DHX36: variants seen among roughly 807,000 people sequenced by gnomAD.
The protein encoded by DHX36 is ATP-dependent DNA/RNA helicase DHX36.
A neutral mutation model predicts 139.0 loss-of-function variants in DHX36; 50 were observed. The observed-to-expected ratio is 0.36, with a 90% confidence interval of 0.29 to 0.46. The LOEUF is 0.46. Among genes scored for constraint, DHX36 ranks in the 20% least tolerant of loss-of-function variants. The pLI, the probability that DHX36 is intolerant of heterozygous loss-of-function variation, is 1.00. For synonymous variants in DHX36, 425 were observed against 401.9 expected, an observed-to-expected ratio of 1.06 and a Z score of -0.69; for missense variants, 1,024 against 1,211.3, an observed-to-expected ratio of 0.85 and a Z score of 2.29.
chr3:154,280,328 T>G, intron 22 of DHX36: 1 of 359,816 alleles, frequency 2.8e-6, no homozygotes, highest in Non-Finnish European at 4.9e-6. Context: ...TCTTCTAATA[T>G]TTACACTGGT....
intron 8 of DHX36, among the ~76,000 whole-genome samples, chr3:154,304,014 T>C (rs1712404891): frequency 6.6e-6 from 1 of 152,176 alleles, no homozygotes; most frequent in Non-Finnish European, 1.5e-5. Context: ...GCTCTACCCA[T>C]GATGTGCACA....
At position 154,273,602 on chromosome 3, in the gene DHX36, A is replaced by C. The variant is rs2108325697; in HGVS notation, c.*2569T>G. The stretch of plus-strand genomic sequence containing the variant: ...AGAGGCAAAACCAGTATGCTCTAAT[A>C]TTGTGACATGACTCTAATGCCAGCA... On this transcript the variant is annotated 3_prime_UTR_variant, in exon 25 of 25. Transcript: ENST00000496811. The C allele has an allele frequency of 6.6e-6, 1 of 152,348 alleles. No homozygotes were observed. Among genetic ancestry groups the C allele is most frequent in the East Asian group, 1.9e-4 (1 of 5,176 alleles). The allele number at this position is 152,348 out of a possible 1,614,324, so 9.4% of individuals were successfully genotyped here.
chr3:154,304,672 G>A, intron 8 of DHX36, 134 bp downstream of exon 8: 1 of 661,218 alleles, frequency 1.5e-6, no homozygotes, highest in Non-Finnish European at 2.3e-6. Flanking sequence ...CATGAAACTG[G>A]AGGGTAGAAT....
In DHX36 at chr3:154,289,648, C is replaced by A. The variant is rs72996635; in HGVS notation, c.1932+61G>T. On this transcript the variant is annotated intron_variant, in intron 16 of 24. Coordinates refer to ENST00000496811, the MANE Select transcript of DHX36 (RefSeq NM_020865.3). ...GAGATTAATACAGTACTTTGTTCTA[C>A]AAAAGATGTTGAAAATGAGATCACT... The A allele has an allele frequency of 1.4e-3, 1,392 of 993,728 alleles. 12 individuals are homozygous for A. The African/African-American group carries it at 0.02, about 14-fold the overall frequency. 61.6% of individuals were successfully genotyped at this position (993,728 alleles called of 1,614,324 possible).
chr3:154,307,564 G>C lies in DHX36; in HGVS notation c.814-1269C>G, dbSNP rs372494810. Reference sequence around the variant, plus strand: ...GAAATGCAAATTAAAACCACAATGAGATATCATCTTACCCCAGTCAAAATG... The same window carrying C: ...GAAATGCAAATTAAAACCACAATGACATATCATCTTACCCCAGTCAAAATG... On this transcript the variant is annotated intron_variant, in intron 5 of 24. Transcript: ENST00000496811. Among the ~76,000 whole-genome samples, 16 of 152,128 alleles carry C rather than the reference G, an allele frequency of 1.1e-4. No homozygotes were observed. The East Asian group carries it at 2.9e-3, about 28-fold the overall frequency.
intron 1 of DHX36, among the ~76,000 whole-genome samples, chr3:154,319,545 A>C (rs925892317): frequency 4.1e-4 from 63 of 152,180 alleles, no homozygotes; most frequent in African/African-American, 1.5e-3. Flanking sequence ...TTATAAAAGA[A>C]GTGCATTTTA....
At chr3:154,318,193 G>C (rs1433615299) in intron 1 of DHX36, among the ~76,000 whole-genome samples, 1 of 152,068 alleles carries the variant, frequency 6.6e-6, no homozygotes, top group South Asian at 2.1e-4. Context: ...TGAGAAATCA[G>C]TGATAAAACA....
At chr3:154,300,876 A>T in intron 10 of DHX36, 111 bp downstream of exon 10, 2 of 1,450,116 alleles carry the variant, frequency 1.4e-6, no homozygotes, top group Non-Finnish European at 1.9e-6. Context: ...CGAATAAGAG[A>T]CTCACAATGC....
At chr3:154,320,929 A>G (rs1423900802) in intron 1 of DHX36, among the ~76,000 whole-genome samples, 3 of 152,176 alleles carry the variant, frequency 2.0e-5, no homozygotes, top group Non-Finnish European at 4.4e-5. Flanking sequence ...CAGTCATTTC[A>G]TTCTTTGTTT....
rs938250102 is a variant in DHX36, at chr3:154,275,056, A to G, written c.*1115T>C. ...ATTCAGAGAGTACAGGCACTAGCCT[A>G]TGTGCTTTACATGTATTAATGTACT... On this transcript the variant is annotated 3_prime_UTR_variant, in exon 25 of 25. Coordinates refer to ENST00000496811, the MANE Select transcript of DHX36 (RefSeq NM_020865.3). The G allele has an allele frequency of 6.6e-6, 1 of 152,218 alleles. No homozygotes were observed. Among genetic ancestry groups the G allele is most frequent in the Non-Finnish European group, 1.5e-5 (1 of 68,040 alleles). The allele number at this position is 152,218 out of a possible 1,614,324, so 9.4% of individuals were successfully genotyped here.
chr3:154,302,854 A>G (rs1015318193), intron 9 of DHX36, among the ~76,000 whole-genome samples: 2 of 152,134 alleles, frequency 1.3e-5, no homozygotes, highest in African/African-American at 4.8e-5. Flanking sequence ...GAGGCAGGCA[A>G]ATCACTTGAG....
At chr3:154,310,829 A>ATG (rs2108360577) in intron 4 of DHX36, among the ~76,000 whole-genome samples, 1 of 41,092 alleles carries the variant, frequency 2.4e-5, no homozygotes, top group Non-Finnish European at 3.9e-5. Flanking sequence ...ATATATATAT[A>ATG]TATATATATA....
chr3:154,292,405 C>T, intron 15 of DHX36, 146 bp downstream of exon 15: 1 of 1,145,882 alleles, frequency 8.7e-7, no homozygotes, highest in Non-Finnish European at 1.3e-6. Context: ...ATTAGAACAA[C>T]TTTCCTATTT....
Position 154,292,641 on chromosome 3 carries a change from G to A in DHX36, c.1724C>T (p.Thr575Met), listed in dbSNP as rs911524805. The change falls in exon 15 of 25, where the codon ACG becomes ATG. Residue 575 changes from threonine (T) to methionine (M), a missense_variant. Thr to Met is a moderately conservative substitution (Grantham distance 81). Around this residue, in one of 4 missense-constraint regions of DHX36, gnomAD observed 470 missense variants for 616.2 expected, o/e 0.76. Coordinates refer to ENST00000496811, the MANE Select transcript of DHX36 (RefSeq NM_020865.3). The part of the protein sequence containing the change: ...YVIDGGKIKE[T>M]HFDTQNNIST... The stretch of plus-strand genomic sequence containing the variant: ...GATATTGTTCTGAGTATCAAAATGC[G>A]TCTCTTTTATTTTTCCTCCATCTAT... 7.4e-6 allele frequency: 12 copies of A among 1,613,566 alleles called. No homozygotes were observed. The highest frequency in any genetic ancestry group is 3.3e-5 in the Admixed American group (2 of 59,928).
chr3:154,305,330 G>T, intron 6 of DHX36, 162 bp from the exon 7 acceptor site: 1 of 582,816 alleles, frequency 1.7e-6, no homozygotes, highest in South Asian at 2.4e-5. Context: ...TGGGGTAATG[G>T]GAAATACTTC....
intron 1 of DHX36, among the ~76,000 whole-genome samples, chr3:154,317,676 G>A (rs750360897): frequency 1.5e-4 from 23 of 152,036 alleles, no homozygotes; most frequent in Non-Finnish European, 3.1e-4. Context: ...CCAACAACTA[G>A]GCAGTTGGGA....
chr3:154,277,488 A>G, intron 23 of DHX36, 110 bp downstream of exon 23: 2 of 1,071,178 alleles, frequency 1.9e-6, no homozygotes, highest in East Asian at 2.8e-5. Context: ...CGTCACAGGA[A>G]TAAGACACAA....
intron 1 of DHX36, among the ~76,000 whole-genome samples, chr3:154,323,286 G>A (rs373921162): frequency 1.3e-5 from 2 of 151,954 alleles, no homozygotes; most frequent in East Asian, 1.9e-4. Flanking sequence ...AGTGAGCTAA[G>A]ATCGTGCCAC....
intron 1 of DHX36, 128 bp downstream of exon 1, chr3:154,324,046 T>C (rs1713302888): frequency 9.1e-7 from 1 of 1,093,510 alleles, no homozygotes; most frequent in African/African-American, 1.6e-5. Flanking sequence ...CATAATATAT[T>C]TGCGCCTCAT....
Sources: allele counts gnomAD v4.1 joint callset (sites outside exome capture counted in the v4.1 genomes callset), GRCh38; gene constraint gnomAD v4.1.1; regional missense constraint gnomAD v4.1.1; transcripts MANE v1.5; gene names NCBI Gene and HGNC (gene_info 2026-07-23, HGNC 2026-07-21).